Variants in SUMF1 observed in about 807,000 individuals in gnomAD.
The protein encoded by SUMF1 is sulfatase modifying factor 1.
SUMF1 carries 48 observed loss-of-function variants against 47.6 expected under a neutral mutation model. The observed-to-expected ratio is 1.01, with a 90% confidence interval of 0.80 to 1.28. SUMF1 has a LOEUF of 1.28. Ranked by LOEUF, SUMF1 falls within the 50% of genes most tolerant of loss-of-function variation. The probability of loss-of-function intolerance (pLI) is 0.00; values close to 1 mark genes in which losing one functional copy is unlikely to be tolerated. For missense variants in SUMF1, 571 were observed against 485.4 expected (o/e 1.18, Z -1.66); for synonymous variants, 230 against 192.1 (o/e 1.20, Z -1.63).
chr3:4,173,005 A>T (rs148534924), intron 8 of SUMF1, among the ~76,000 whole-genome samples: 3,190 of 152,280 alleles, frequency 0.021, 58 homozygotes, highest in Non-Finnish European at 0.032. Context: ...TTAAGTCTTT[A>T]ATCCATCTTG....
rs1370093591 is a variant in SUMF1, at chr3:4,236,589, C to A, written c.1014+139741G>T. 4.0e-5 allele frequency among the ~76,000 whole-genome samples: 6 copies of A among 151,872 alleles called. No individual in the cohort carries two copies. The East Asian group carries it at 1.2e-3, about 29-fold the overall frequency. On this transcript the variant is annotated intron_variant and NMD_transcript_variant, in intron 8 of 12. Coordinates refer to the SUMF1 transcript ENST00000448413. The stretch of plus-strand genomic sequence containing the variant: ...GGCAACATAGTGAGACCCCCCATCT[C>A]TAAATAAATAAATAAATAAACAAAC...
At chr3:4,357,204 T>A (rs1189357280), downstream of SUMF1, among the ~76,000 whole-genome samples, 1 of 151,854 alleles carries the variant, frequency 6.6e-6, no homozygotes, top group African/African-American at 2.4e-5. Flanking sequence ...TGCTAAATAT[T>A]TAAAAAAGAA....
intron 9 of SUMF1, among the ~76,000 whole-genome samples, chr3:4,035,580 G>A (rs774843964): frequency 3.9e-5 from 6 of 152,134 alleles, no homozygotes; most frequent in Non-Finnish European, 8.8e-5. Flanking sequence ...AGAAGATTAG[G>A]ACAAGGATAT....
At position 4,220,901 on chromosome 3, in the gene SUMF1, T is replaced by A. The variant is rs143946910; in HGVS notation, c.1015-152156A>T. 2.6e-5 allele frequency among the ~76,000 whole-genome samples: 4 copies of A among 152,234 alleles called. No homozygotes were observed. The East Asian group carries it at 7.7e-4, about 29-fold the overall frequency. ...CAGGTCCGAATTATTACTTGGTTCA[T>A]TTGAGTTCAGAGTATATAAAATGTC... is the stretch of plus-strand genomic sequence containing the variant. On this transcript the variant is annotated intron_variant and NMD_transcript_variant, in intron 8 of 12. Coordinates refer to the SUMF1 transcript ENST00000448413.
At chr3:4,133,240 G>A (rs1574912373) in intron 8 of SUMF1, among the ~76,000 whole-genome samples, 1 of 152,092 alleles carries the variant, frequency 6.6e-6, no homozygotes, top group Admixed American at 6.6e-5. Context: ...TTTCACATCA[G>A]CATTTAAGAA....
At chr3:4,235,145 A>G (rs1454970067) in intron 8 of SUMF1, among the ~76,000 whole-genome samples, 1 of 152,164 alleles carries the variant, frequency 6.6e-6, no homozygotes, top group Non-Finnish European at 1.5e-5. Context: ...AGCAGTAGAG[A>G]CAAAGGAAAG....
chr3:4,074,475 G>C (rs62259280), intron 8 of SUMF1, among the ~76,000 whole-genome samples: 1 of 151,940 alleles, frequency 6.6e-6, no homozygotes, highest in Non-Finnish European at 1.5e-5. Flanking sequence ...CAGAAGGCAA[G>C]AAATAACTAA....
At chr3:4,150,144 G>C (rs1276018734) in intron 8 of SUMF1, among the ~76,000 whole-genome samples, 3 of 137,068 alleles carry the variant, frequency 2.2e-5, no homozygotes, top group South Asian at 2.3e-4. Flanking sequence ...TCCCAGGCTG[G>C]AGTGCACTGG....
intron 8 of SUMF1, among the ~76,000 whole-genome samples, chr3:4,105,086 C>T (rs909178333): frequency 2.0e-5 from 3 of 152,116 alleles, no homozygotes; most frequent in African/African-American, 7.2e-5. Flanking sequence ...TTTGCTGCAA[C>T]ATGGATGAAC....
In SUMF1 at chr3:4,372,196, G is replaced by T. The variant is rs375739167; in HGVS notation, c.1014+4134C>A. Among the ~76,000 whole-genome samples, 69 of 152,238 alleles carry T rather than the reference G, an allele frequency of 4.5e-4. No individual in the cohort carries two copies. The Middle Eastern group carries it at 0.01, about 23-fold the overall frequency. On this transcript the variant is annotated intron_variant, in intron 8 of 8. Coordinates refer to ENST00000272902, the MANE Select transcript of SUMF1 (RefSeq NM_182760.4). ...CAAGCCTGTAATCCCGGCTACTCAG[G>T]AAGCTGAGGCAGGAGAAATGCTTGA...
At chr3:4,094,367 T>C (rs1692854602) in intron 8 of SUMF1, among the ~76,000 whole-genome samples, 1 of 151,964 alleles carries the variant, frequency 6.6e-6, no homozygotes, top group South Asian at 2.1e-4. Context: ...AACTTAGAGC[T>C]TACTAGGGGA....
intron 8 of SUMF1, among the ~76,000 whole-genome samples, chr3:4,166,220 G>T (rs948726384): frequency 1.9e-4 from 29 of 152,094 alleles, no homozygotes; most frequent in Non-Finnish European, 7.4e-5. Context: ...TCCCCTGTTA[G>T]TACTGGGACC....
intron 8 of SUMF1, among the ~76,000 whole-genome samples, chr3:4,127,831 T>C (rs1469689613): frequency 2.0e-5 from 3 of 152,092 alleles, no homozygotes; most frequent in East Asian, 1.9e-4. Flanking sequence ...GGCTGCTTAA[T>C]ATGATTAGAC....
chr3:4,290,634 G>A (rs1317533330), intron 8 of SUMF1, among the ~76,000 whole-genome samples: 1 of 152,058 alleles, frequency 6.6e-6, no homozygotes, highest in African/African-American at 2.4e-5. Flanking sequence ...CAGTTTAAAT[G>A]TCCCCCTCAT....
At chr3:4,430,666 C>A (rs545087916) in intron 3 of SUMF1, among the ~76,000 whole-genome samples, 2 of 152,154 alleles carry the variant, frequency 1.3e-5, no homozygotes, top group Non-Finnish European at 2.9e-5. Flanking sequence ...GGATACAGAA[C>A]CAAAGTACAT....
At chr3:4,394,857 C>G (rs1700991289) in intron 7 of SUMF1, among the ~76,000 whole-genome samples, 1 of 152,188 alleles carries the variant, frequency 6.6e-6, no homozygotes, top group Non-Finnish European at 1.5e-5. Flanking sequence ...AAATCCACAT[C>G]ATCAAAGTAT....
At chr3:4,193,611 T>C (rs1695367937) in intron 8 of SUMF1, among the ~76,000 whole-genome samples, 1 of 152,118 alleles carries the variant, frequency 6.6e-6, no homozygotes, top group African/African-American at 2.4e-5. Context: ...TAAACAGCTA[T>C]AGCCAGGAGG....
intron 8 of SUMF1, among the ~76,000 whole-genome samples, chr3:4,234,105 G>T (rs919598816): frequency 1.3e-5 from 2 of 152,018 alleles, no homozygotes; most frequent in Non-Finnish European, 2.9e-5. Context: ...ACAATTGTAC[G>T]GGTGTTTAAT....
intron 8 of SUMF1, among the ~76,000 whole-genome samples, chr3:4,242,549 G>T (rs1280300553): frequency 1.3e-5 from 2 of 152,158 alleles, no homozygotes; most frequent in African/African-American, 2.4e-5. Flanking sequence ...TTTTGTCATT[G>T]GTTCTGTTTA....
Sources: gnomAD v4.1 joint callset for allele counts (sites outside exome capture counted in the v4.1 genomes callset) on GRCh38, gnomAD v4.1.1 for gene constraint, MANE v1.5 for transcripts, NCBI Gene and HGNC (gene_info 2026-07-23, HGNC 2026-07-21) for gene names.